The following PPM1G variants were observed in gnomAD, a reference collection of about 807,000 sequenced individuals.
The protein encoded by PPM1G is protein phosphatase 1G.
Under a neutral mutation model 59.4 loss-of-function variants are expected in PPM1G, and 12 were observed. The observed-to-expected ratio is 0.20, with a 90% CI of 0.13 to 0.33. PPM1G has a LOEUF of 0.33. PPM1G is among the 10% of genes least tolerant of loss of function. The pLI is 1.00. For synonymous variants in PPM1G, 245 were observed against 251.9 expected, an observed-to-expected ratio of 0.97 and a Z score of 0.26; for missense variants, 392 against 681.3, an observed-to-expected ratio of 0.58 and a Z score of 4.73.
Position 27,384,653 on chromosome 2 carries a change from C to G in PPM1G, c.825+20G>C. 6.3e-7 allele frequency: 1 copy of G among 1,579,520 alleles called. No individual in the cohort carries two copies. Among genetic ancestry groups the G allele is most frequent in the Admixed American group, 1.8e-5 (1 of 56,660 alleles). ...ACCTCTCTGCAACTTCAGCATCTGC[C>G]TGCCCTCACAGGCCCTTACCTCACT... On this transcript the variant is annotated intron_variant, in intron 5 of 9. Transcript: ENST00000344034. The surrounding 1 kb of genome is among the most constrained non-coding windows in gnomAD (Gnocchi z 4.8).
intron 1 of PPM1G, among the ~76,000 whole-genome samples, chr2:27,399,167 C>CAACAACAAA (rs1383794953): frequency 4.6e-5 from 7 of 151,688 alleles, no homozygotes; most frequent in Non-Finnish European, 1.0e-4. Flanking sequence ...ACAACAACAA[C>CAACAACAAA]AACAAAAACA....
Position 27,405,214 on chromosome 2 carries a change from C to T in PPM1G, c.120+4089G>A, listed in dbSNP as rs544633581. The stretch of plus-strand genomic sequence containing the variant: ...TCAGCCTCCGGAGTAGCTGGGACTA[C>T]AGGCGTGCGCCACCATGCCCAGCTA... On this transcript the variant is annotated intron_variant, in intron 1 of 9. Coordinates refer to ENST00000344034, the MANE Select transcript of PPM1G (RefSeq NM_177983.3). Among the ~76,000 whole-genome samples the T allele has an allele frequency of 1.3e-3, 190 of 151,630 alleles. 1 individual carries two copies. Among genetic ancestry groups the T allele is most frequent in the African/African-American group, 4.3e-3 (179 of 41,390 alleles).
chr2:27,399,910 C>T (rs1245462724), intron 1 of PPM1G, among the ~76,000 whole-genome samples: 3 of 148,834 alleles, frequency 2.0e-5, no homozygotes, highest in Non-Finnish European at 4.4e-5. Context: ...GGACATATTT[C>T]CACACAAAAA....
Position 27,385,359 on chromosome 2 carries a change from A to G in PPM1G, c.410-271T>C. On this transcript the variant is annotated intron_variant, in intron 4 of 9. Transcript: ENST00000344034. This position sits in a 1 kb window ranked among gnomAD's most constrained non-coding sequence, Gnocchi z 4.1. ...CTCATTTTTTATTGTTAAGTTGTAA[A>G]AACCCTATTCTGGCTGAGGATCCAG... 2.2e-6 allele frequency: 1 copy of G among 444,774 alleles called. No homozygotes were observed. The highest frequency in any genetic ancestry group is 3.9e-6 in the Non-Finnish European group (1 of 254,112). 27.6% of individuals were successfully genotyped at this position (444,774 alleles called of 1,614,324 possible).
intron 1 of PPM1G, among the ~76,000 whole-genome samples, chr2:27,389,758 G>A (rs555936819): frequency 6.6e-6 from 1 of 152,166 alleles, no homozygotes; most frequent in African/African-American, 2.4e-5. Flanking sequence ...GAGATCAGGA[G>A]TTGGAGACCA....
intron 1 of PPM1G, among the ~76,000 whole-genome samples, chr2:27,392,591 C>CCCACA (rs1683941318): frequency 7.3e-6 from 1 of 136,800 alleles, no homozygotes; most frequent in Non-Finnish European, 1.5e-5. Context: ...ACTACGCCAG[C>CCCACA]CCACAGTACA....
intron 1 of PPM1G, among the ~76,000 whole-genome samples, chr2:27,402,724 C>A (rs964800128): frequency 1.3e-5 from 2 of 151,722 alleles, no homozygotes; most frequent in Non-Finnish European, 2.9e-5. Flanking sequence ...AGGAGAATGG[C>A]ATGAACCCGG....
Position 27,382,649 on chromosome 2 carries a change from C to T in PPM1G, c.1202-44G>A, listed in dbSNP as rs1397828462. On this transcript the variant is annotated intron_variant, in intron 7 of 9. Transcript: ENST00000344034. This position sits in a 1 kb window ranked among gnomAD's most constrained non-coding sequence, Gnocchi z 4.2. ...TGATGAGCAGTTTGGATACTTCCCA[C>T]AGACTTGTGTTTGTGGCAGGTCAAA... 2.5e-6 allele frequency: 4 copies of T among 1,610,782 alleles called. No individual in the cohort carries two copies. The South Asian group carries it at 3.3e-5, about 13-fold the overall frequency.
At chr2:27,397,312 AAAG>A (rs35295079) in intron 1 of PPM1G, among the ~76,000 whole-genome samples, 71,365 of 151,800 alleles carry the variant, frequency 0.47, 18,466 homozygotes, top group African/African-American at 0.69. Flanking sequence ...ATCACATAGA[AAAG>A]AAGACAACAC....
chr2:27,387,246 T>C, intron 1 of PPM1G, 88 bp from the exon 2 acceptor site: 1 of 1,067,548 alleles, frequency 9.4e-7, no homozygotes, highest in South Asian at 1.3e-5. Context: ...TTACTAACCT[T>C]TCCCTGGCTG....
chr2:27,397,834 G>A (rs187538354), intron 1 of PPM1G, among the ~76,000 whole-genome samples: 9 of 152,234 alleles, frequency 5.9e-5, no homozygotes. Flanking sequence ...GAGCCACTGT[G>A]CTACAGCCTG....
intron 1 of PPM1G, among the ~76,000 whole-genome samples, chr2:27,390,530 G>A (rs1683873723): frequency 6.6e-6 from 1 of 152,016 alleles, no homozygotes; most frequent in Admixed American, 6.6e-5. Context: ...TTCAAGCCTG[G>A]GCAACATAGT....
At chr2:27,392,298 T>TGTTTG (rs201576607) in intron 1 of PPM1G, among the ~76,000 whole-genome samples, 1 of 143,760 alleles carries the variant, frequency 7.0e-6, no homozygotes, top group African/African-American at 2.7e-5. Context: ...TTTTTTTTTT[T>TGTTTG]TTTTTTTTTT....
chr2:27,383,576 C>T lies in PPM1G; in HGVS notation c.991G>A (p.Ala331Thr). Reference protein sequence around the residue: ...EEPGSDSGTTAVVALIRGKQL... With the variant: ...EEPGSDSGTTTVVALIRGKQL... Reference sequence around the variant, plus strand: ...TTCCCTCGTATCAGGGCCACCACCGCTGTTGTACCACTGTCAGAGCCAGGC... The same window carrying T: ...TTCCCTCGTATCAGGGCCACCACCGTTGTTGTACCACTGTCAGAGCCAGGC... Residue 331 changes from alanine to threonine, a missense_variant, in exon 7 of 10, where the codon GCG (alanine) becomes ACG (threonine). Coordinates refer to ENST00000344034, the MANE Select transcript of PPM1G (RefSeq NM_177983.3). The surrounding 1 kb of genome is among the most constrained non-coding windows in gnomAD (Gnocchi z 5.0). 6.2e-7 allele frequency: 1 copy of T among 1,613,870 alleles called. No individual in the cohort carries two copies.
rs763640846 is a variant in PPM1G at position 27,381,664 on chromosome 2, G to A, written c.1576C>T (p.Leu526Phe). 5 of 1,614,098 alleles carry A rather than the reference G, an allele frequency of 3.1e-6. No homozygotes were observed. The highest frequency in any genetic ancestry group is 1.1e-5 in the South Asian group (1 of 91,080). Residue 526 changes from leucine to phenylalanine, a missense_variant, in exon 10 of 10, where the codon CTC becomes TTC. By Grantham distance (22) the Leu-to-Phe change is conservative (BLOSUM62 0). Coordinates refer to ENST00000344034, the MANE Select transcript of PPM1G (RefSeq NM_177983.3). ...ESGKRKLEEV[L>F]STEGAEENGN... The stretch of plus-strand genomic sequence containing the variant: ...TTTTCTTCAGCCCCCTCAGTAGAGA[G>A]CACCTCCTCTAGTTTTCGCTTGCCA...
chr2:27,409,557 G>A lies in PPM1G; in HGVS notation c.-135C>T. 2 of 1,175,568 alleles carry A rather than the reference G, an allele frequency of 1.7e-6. No homozygotes were observed. Among genetic ancestry groups the A allele is most frequent in the Non-Finnish European group, 2.2e-6 (2 of 911,082 alleles). The allele number at this position is 1,175,568 out of a possible 1,614,324, so 72.8% of individuals were successfully genotyped here. On this transcript the variant is annotated 5_prime_UTR_variant, in exon 1 of 10. Coordinates refer to ENST00000344034, the MANE Select transcript of PPM1G (RefSeq NM_177983.3). ...CGCAAGGTGCCGGTGAAAGGCGCGA[G>A]GCCGGCCAGGAGGCGGTAACGGGAC...
At position 27,394,741 on chromosome 2, in the gene PPM1G, T is replaced by TA. The variant is rs397868730; in HGVS notation, c.121-7584dup. ...CTGGTGACAGAGTGAGACTCTGTCT[T>TA]AAAAAAAAAAAAAAAAAAAAAAAGA... On this transcript the variant is annotated intron_variant, in intron 1 of 9. Transcript: ENST00000344034. Among the ~76,000 whole-genome samples, 595 of 107,868 alleles carry TA rather than the reference T, an allele frequency of 5.5e-3. 4 individuals are homozygous for TA. Among genetic ancestry groups the TA allele is most frequent in the Middle Eastern group, 0.019 (4 of 214 alleles). 70.8% of individuals were successfully genotyped at this position (107,868 alleles called of 152,430 possible).
chr2:27,384,662 C>CA lies in PPM1G; in HGVS notation c.825+10dup, dbSNP rs1217571236. Reference sequence around the variant, plus strand: ...CAACTTCAGCATCTGCCTGCCCTCACAGGCCCTTACCTCACTGTCTTCCTC... The same window carrying CA: ...CAACTTCAGCATCTGCCTGCCCTCACAAGGCCCTTACCTCACTGTCTTCCTC... On this transcript the variant is annotated intron_variant, in intron 5 of 9. Transcript: ENST00000344034. The surrounding 1 kb of genome is among the most constrained non-coding windows in gnomAD (Gnocchi z 4.8). 1 of 1,589,042 alleles carries CA rather than the reference C, an allele frequency of 6.3e-7. No individual in the cohort carries two copies. Among genetic ancestry groups the CA allele is most frequent in the Non-Finnish European group, 8.6e-7 (1 of 1,163,180 alleles).
intron 1 of PPM1G, among the ~76,000 whole-genome samples, chr2:27,388,982 T>G (rs1046356699): frequency 6.6e-6 from 1 of 150,516 alleles, no homozygotes; most frequent in Non-Finnish European, 1.5e-5. Context: ...TTTTCGACAT[T>G]CATTTTTAAA....
Sources: gnomAD v4.1 joint callset for allele counts (sites outside exome capture counted in the v4.1 genomes callset) on GRCh38, gnomAD v4.1.1 for gene constraint, Gnocchi (gnomAD v3.1) non-coding constraint, MANE v1.5 for transcripts, NCBI Gene and HGNC (gene_info 2026-07-23, HGNC 2026-07-21) for gene names.